Variants in AGBL4 observed in about 807,000 individuals in gnomAD.
The protein encoded by AGBL4 is cytosolic carboxypeptidase 6.
Under a neutral mutation model 66.4 loss-of-function variants are expected in AGBL4, and 58 were observed. The ratio of observed to expected loss-of-function variants is 0.87; its 90% CI spans 0.71 to 1.09. The LOEUF is 1.09. Ranked by LOEUF, AGBL4 falls within the 50% of genes least tolerant of loss-of-function variation. The pLI is 0.00. For synonymous variants in AGBL4, 234 were observed against 222.9 expected (o/e 1.05, Z -0.44); for missense variants, 579 against 631.0 (o/e 0.92, Z 0.88).
At chr1:49,437,639 T>C (rs563574090) in intron 3 of AGBL4, among the ~76,000 whole-genome samples, 1 of 152,282 alleles carries the variant, frequency 6.6e-6, no homozygotes, top group African/African-American at 2.4e-5. Context: ...AGCACTTAAT[T>C]CTGCAGTGGG....
chr1:49,968,153 G>A (rs1261106339), intron 1 of AGBL4, among the ~76,000 whole-genome samples: 4 of 151,034 alleles, frequency 2.6e-5, no homozygotes, highest in Non-Finnish European at 5.9e-5. Context: ...AACTCAGGAG[G>A]CAGAGGTTCC....
At chr1:48,532,234 C>T (rs1308519030), downstream of AGBL4, among the ~76,000 whole-genome samples, 1 of 152,218 alleles carries the variant, frequency 6.6e-6, no homozygotes, top group African/African-American at 2.4e-5. Context: ...ACATTTTCCA[C>T]ACGTAAGTTC....
At chr1:49,710,121 C>T (rs1366833923) in intron 2 of AGBL4, among the ~76,000 whole-genome samples, 1 of 152,140 alleles carries the variant, frequency 6.6e-6, no homozygotes, top group Non-Finnish European at 1.5e-5. Flanking sequence ...AATAATTCTA[C>T]TATAAAGACA....
At chr1:49,630,260 C>T (rs1486391027) in intron 3 of AGBL4, among the ~76,000 whole-genome samples, 2 of 152,090 alleles carry the variant, frequency 1.3e-5, no homozygotes, top group South Asian at 2.1e-4. Flanking sequence ...TGTATGGGAC[C>T]GTCTTGGTCT....
intron 6 of AGBL4, among the ~76,000 whole-genome samples, chr1:48,827,841 G>A (rs1244761041): frequency 6.6e-6 from 1 of 152,068 alleles, no homozygotes; most frequent in African/African-American, 2.4e-5. Flanking sequence ...GACTAGCAGG[G>A]AGCTGCATTG....
intron 6 of AGBL4, among the ~76,000 whole-genome samples, chr1:48,734,162 A>C (rs1648629403): frequency 6.6e-6 from 1 of 152,174 alleles, no homozygotes; most frequent in African/African-American, 2.4e-5. Flanking sequence ...TGATTATCCA[A>C]AAATAAGCGG....
intron 9 of AGBL4, among the ~76,000 whole-genome samples, chr1:48,610,124 T>C (rs929986461): frequency 2.0e-5 from 3 of 152,146 alleles, no homozygotes; most frequent in Non-Finnish European, 4.4e-5. Context: ...GTAAAAACAA[T>C]AAAAAATAAA....
Position 49,573,160 on chromosome 1 carries a change from G to C in AGBL4, c.282+124153C>G, listed in dbSNP as rs567029904. The stretch of plus-strand genomic sequence containing the variant: ...TGTGTGTGTGTCTGTGTGTGTGTGT[G>C]TGTGTGTGTGTGTGTGTGTGTGTGT... On this transcript the variant is annotated intron_variant, in intron 3 of 13. Transcript: ENST00000371839. 4.7e-5 allele frequency among the ~76,000 whole-genome samples: 7 copies of C among 149,372 alleles called. No homozygotes were observed. The South Asian group carries it at 1.6e-3, about 34-fold the overall frequency.
At chr1:48,646,763 G>T (rs1350240640) in intron 8 of AGBL4, among the ~76,000 whole-genome samples, 1 of 152,014 alleles carries the variant, frequency 6.6e-6, no homozygotes, top group African/African-American at 2.4e-5. Context: ...AGCAGCCTAG[G>T]GTCAGCAACT....
At chr1:49,653,529 A>C (rs916415406) in intron 3 of AGBL4, among the ~76,000 whole-genome samples, 1 of 152,038 alleles carries the variant, frequency 6.6e-6, no homozygotes, top group African/African-American at 2.4e-5. Flanking sequence ...TTACTAGCTA[A>C]AGGATTATGT....
intron 5 of AGBL4, among the ~76,000 whole-genome samples, chr1:49,017,723 T>C (rs997569125): frequency 6.6e-6 from 1 of 152,116 alleles, no homozygotes; most frequent in Non-Finnish European, 1.5e-5. Flanking sequence ...ACATGATAGG[T>C]GCTTAATATA....
chr1:48,856,655 T>C (rs1934383), intron 6 of AGBL4, among the ~76,000 whole-genome samples: 73,308 of 152,082 alleles, frequency 0.48, 20,887 homozygotes, highest in Non-Finnish European at 0.65. Context: ...AGAGTTGTCA[T>C]GTACTGGGAA....
intron 2 of AGBL4, among the ~76,000 whole-genome samples, chr1:49,808,123 C>CAGAAACAGTTCCTCCAGTAAAAGATGGAA (rs1480644427): frequency 3.3e-5 from 5 of 152,110 alleles, no homozygotes; most frequent in South Asian, 2.1e-4. Context: ...CAGATAAGAA[C>CAGAAACAGTTCCTCCAGTAAAAGATGGAA]AGAAACAGTT....
rs563273692 is a variant in AGBL4 at position 48,786,294 on chromosome 1, A to G, written c.634+80897T>C. Among the ~76,000 whole-genome samples the G allele has an allele frequency of 2.0e-5, 3 of 152,340 alleles. No homozygotes were observed. The South Asian group carries it at 6.2e-4, about 32-fold the overall frequency. On this transcript the variant is annotated intron_variant, in intron 6 of 13. Coordinates refer to ENST00000371839, the MANE Select transcript of AGBL4 (RefSeq NM_032785.4). ...CAAAATATCCCATAAAGTCAGTATT[A>G]TTAATATCTCCATTTTTCTGATGAG...
At chr1:49,981,594 G>A (rs1659061770) in intron 1 of AGBL4, among the ~76,000 whole-genome samples, 1 of 151,780 alleles carries the variant, frequency 6.6e-6, no homozygotes, top group South Asian at 2.1e-4. Flanking sequence ...AAATATGAAA[G>A]CAATGGATAC....
At chr1:48,841,957 AGTTT>A (rs1471118587) in intron 6 of AGBL4, among the ~76,000 whole-genome samples, 21 of 152,322 alleles carry the variant, frequency 1.4e-4, no homozygotes, top group South Asian at 4.1e-4. Context: ...GTTCTAAATG[AGTTT>A]GTTTATCATT....
chr1:49,885,694 C>T (rs2148154467), intron 1 of AGBL4, among the ~76,000 whole-genome samples: 1 of 152,116 alleles, frequency 6.6e-6, no homozygotes, highest in Admixed American at 6.6e-5. Context: ...ACATATAAGA[C>T]ACATAAGCTA....
chr1:49,941,307 G>C (rs777569762), intron 1 of AGBL4, among the ~76,000 whole-genome samples: 1 of 152,094 alleles, frequency 6.6e-6, no homozygotes, highest in Admixed American at 6.6e-5. Context: ...TCACAGAGGA[G>C]AGCACTTCCA....
chr1:48,582,937 G>A (rs777965103), intron 11 of AGBL4, among the ~76,000 whole-genome samples: 1 of 152,136 alleles, frequency 6.6e-6, no homozygotes, highest in Non-Finnish European at 1.5e-5. Context: ...GTGGAGCGGC[G>A]GACACTATTC....
Sources: gnomAD v4.1 joint callset for allele counts (sites outside exome capture counted in the v4.1 genomes callset) on GRCh38, gnomAD v4.1.1 for gene constraint, MANE v1.5 for transcripts, NCBI Gene and HGNC (gene_info 2026-07-23, HGNC 2026-07-21) for gene names.